Variants in GCNT4 observed in about 807,000 individuals in gnomAD.
GCNT4 encodes the protein beta-1,3-galactosyl-O-glycosyl-glycoprotein beta-1,6-N-acetylglucosaminyltransferase 4.
In GCNT4, 17 loss-of-function variants were observed where a neutral mutation model predicts 31.3. The observed-to-expected ratio is 0.54, with a 90% CI of 0.37 to 0.81. GCNT4 has a LOEUF of 0.81. Among genes scored for constraint, GCNT4 ranks in the 40% least tolerant of loss-of-function variants. The pLI, the probability that GCNT4 is intolerant of heterozygous loss-of-function variation, is 0.00. For synonymous variants in GCNT4, 158 were observed against 190.6 expected, an observed-to-expected ratio of 0.83 and a Z score of 1.41; for missense variants, 503 against 525.5, an observed-to-expected ratio of 0.96 and a Z score of 0.42.
At chr5:75,022,159 G>A (rs926407278), downstream of GCNT4, among the ~76,000 whole-genome samples, 1 of 152,042 alleles carries the variant, frequency 6.6e-6, no homozygotes, top group Non-Finnish European at 1.5e-5. Context: ...ATGATTTCAG[G>A]TTACTCACAC....
At chr5:75,038,043 C>T (rs1314479915) in intron 3 of GCNT4, among the ~76,000 whole-genome samples, 1 of 150,336 alleles carries the variant, frequency 6.7e-6, no homozygotes, top group South Asian at 2.1e-4. Flanking sequence ...GACAGTATAT[C>T]CTTCCAGACT....
At chr5:75,033,921 G>C (rs1164753250) in intron 3 of GCNT4, among the ~76,000 whole-genome samples, 3 of 152,068 alleles carry the variant, frequency 2.0e-5, no homozygotes, top group Admixed American at 6.5e-5. Context: ...CCACTTATGA[G>C]TGAGAACATG....
chr5:75,053,810 C>G (rs139045924), upstream of GCNT4, among the ~76,000 whole-genome samples: 1 of 152,160 alleles, frequency 6.6e-6, no homozygotes, highest in Non-Finnish European at 1.5e-5. Flanking sequence ...CAGGCGCGCG[C>G]GGTGATCTCG....
Position 75,028,991 on chromosome 5 carries a change from A to C in GCNT4, c.1047T>G (p.Pro349=). 6.2e-7 allele frequency: 1 copy of C among 1,614,084 alleles called. No individual in the cohort carries two copies. The highest frequency in any genetic ancestry group is 1.1e-5 in the South Asian group (1 of 91,076). ...WATLIRVPGI[P]GEISRSAQDV... ...CCTGGGCTGATCTGGAAATCTCCCC[A>C]GGTATTCCTGGAACCCGAATCAAGG... is the stretch of plus-strand genomic sequence containing the variant. Residue 349 remains proline, a synonymous_variant, in exon 4 of 4, where the codon CCT becomes CCG. Transcript: ENST00000652361.
At chr5:75,051,009 C>G (rs987147795) in intron 2 of GCNT4, among the ~76,000 whole-genome samples, 1 of 152,260 alleles carries the variant, frequency 6.6e-6, no homozygotes, top group Non-Finnish European at 1.5e-5. Flanking sequence ...CCCTTGGCAT[C>G]ACCTGGCAGT....
chr5:75,042,417 T>C (rs1243466004), intron 3 of GCNT4, among the ~76,000 whole-genome samples: 1 of 152,210 alleles, frequency 6.6e-6, no homozygotes, highest in Non-Finnish European at 1.5e-5. Flanking sequence ...TTTATTTTGG[T>C]ATTATATGGC....
intron 3 of GCNT4, among the ~76,000 whole-genome samples, chr5:75,032,872 G>GGGGTGTGT (rs1302225317): frequency 4.6e-5 from 6 of 130,646 alleles, no homozygotes; most frequent in Non-Finnish European, 6.8e-5. Flanking sequence ...CCCAAATAGG[G>GGGGTGTGT]GTGTGTGTGT....
At position 75,029,657 on chromosome 5, in the gene GCNT4, C is replaced by T. The variant is rs964843009; in HGVS notation, c.381G>A (p.Glu127=). The part of the protein sequence containing the change: ...RGYAQKLVSK[E]EKSFPIAYSL... ...AATAGGCTATTGGGAAGCTTTTCTCCTCCTTTGAGACAAGCTTTTGAGCAT... is the reference window on the plus strand; with the variant it reads ...AATAGGCTATTGGGAAGCTTTTCTCTTCCTTTGAGACAAGCTTTTGAGCAT... The change falls in exon 4 of 4, where the codon GAG becomes GAA. Residue 127 remains glutamate (E), a synonymous_variant. Transcript: ENST00000652361. The T allele has an allele frequency of 1.2e-6, 2 of 1,613,980 alleles. No homozygotes were observed. Among genetic ancestry groups the T allele is most frequent in the Non-Finnish European group, 8.5e-7 (1 of 1,180,032 alleles).
At chr5:75,024,950 CAAAAAAA>C (rs1239662355), downstream of GCNT4, among the ~76,000 whole-genome samples, 2 of 40,532 alleles carry the variant, frequency 4.9e-5, no homozygotes, top group African/African-American at 9.1e-5. Context: ...GACTCCATCT[CAAAAAAA>C]AAAAAAAAAA....
chr5:75,051,602 C>T (rs1052563116), intron 2 of GCNT4, among the ~76,000 whole-genome samples: 6 of 152,138 alleles, frequency 3.9e-5, no homozygotes, highest in African/African-American at 1.4e-4. Flanking sequence ...CTCTCCCTTC[C>T]TAGAAAACAA....
chr5:75,046,468 C>A (rs145038601), intron 3 of GCNT4, among the ~76,000 whole-genome samples: 1 of 152,210 alleles, frequency 6.6e-6, no homozygotes. Flanking sequence ...ACTGTCCCCC[C>A]TCTGCTTCAA....
At chr5:75,033,319 C>T (rs1179806757) in intron 3 of GCNT4, among the ~76,000 whole-genome samples, 1 of 152,154 alleles carries the variant, frequency 6.6e-6, no homozygotes, top group Admixed American at 6.5e-5. Context: ...GGCAGGAGGT[C>T]ATGGTTGCCT....
At chr5:75,039,913 AATACAATAAGAAATCCTTT>A (rs564795633) in intron 3 of GCNT4, among the ~76,000 whole-genome samples, 2 of 152,322 alleles carry the variant, frequency 1.3e-5, no homozygotes, top group African/African-American at 4.8e-5. Context: ...TGTCATGTAG[AATACAATAAGAAATCCTTT>A]TCATGTCCAT....
At chr5:75,035,942 G>A (rs531480234) in intron 3 of GCNT4, among the ~76,000 whole-genome samples, 2 of 152,128 alleles carry the variant, frequency 1.3e-5, no homozygotes, top group East Asian at 1.9e-4. Flanking sequence ...ATTAGTGCAC[G>A]AAGGCCTCCA....
chr5:75,019,620 T>C, the GCNT4 span, among the ~76,000 whole-genome samples: 1 of 152,198 alleles, frequency 6.6e-6, no homozygotes. Flanking sequence ...CCTGGCATGA[T>C]ACTGGCAATT....
At chr5:75,034,299 G>A (rs1307293795) in intron 3 of GCNT4, among the ~76,000 whole-genome samples, 3 of 152,214 alleles carry the variant, frequency 2.0e-5, no homozygotes, top group South Asian at 4.1e-4. Context: ...TCTGCAGGGG[G>A]TACACCCCCA....
intron 2 of GCNT4, among the ~76,000 whole-genome samples, chr5:75,051,929 C>T (rs1743579780): frequency 6.6e-6 from 1 of 152,194 alleles, no homozygotes; most frequent in African/African-American, 2.4e-5. Context: ...GATAAATCAA[C>T]AACACATCTT....
downstream of GCNT4, among the ~76,000 whole-genome samples, chr5:75,022,592 G>A (rs970524465): frequency 2.6e-5 from 4 of 152,180 alleles, no homozygotes; most frequent in South Asian, 2.1e-4. Context: ...AGGGAAAGGC[G>A]GGGAGCAATC....
chr5:75,038,267 C>A (rs1033132308), intron 3 of GCNT4, among the ~76,000 whole-genome samples: 1 of 152,190 alleles, frequency 6.6e-6, no homozygotes, highest in Non-Finnish European at 1.5e-5. Flanking sequence ...ATTCATGTAT[C>A]TAGGTCTTCT....
Sources: allele counts gnomAD v4.1 joint callset (sites outside exome capture counted in the v4.1 genomes callset), GRCh38; gene constraint gnomAD v4.1.1; transcripts MANE v1.5; gene names NCBI Gene and HGNC (gene_info 2026-07-23, HGNC 2026-07-21).